The following PDE1C variants were observed in gnomAD, a reference collection of about 807,000 sequenced individuals.
PDE1C encodes the protein phosphodiesterase 1C, also known as dual specificity calcium/calmodulin-dependent 3',5'-cyclic nucleotide phosphodiesterase 1C.
A neutral mutation model predicts 93.1 loss-of-function variants in PDE1C; 62 were observed. That is an observed-to-expected ratio of 0.67 (90% CI 0.54 to 0.82). PDE1C has a LOEUF of 0.82. Ranked by LOEUF, PDE1C falls within the 40% of genes least tolerant of loss-of-function variation. The pLI is 0.00. For synonymous variants in PDE1C, 325 were observed against 310.1 expected (o/e 1.05, Z -0.50); for missense variants, 742 against 884.6 (o/e 0.84, Z 2.04).
At chr7:31,729,311 A>C in the PDE1C span, among the ~76,000 whole-genome samples, 1 of 152,300 alleles carries the variant, frequency 6.6e-6, no homozygotes, top group East Asian at 1.9e-4. Context: ...AGCTTACATG[A>C]ATTCCATTTG....
the PDE1C span, among the ~76,000 whole-genome samples, chr7:31,744,140 G>A: frequency 6.6e-6 from 1 of 152,038 alleles, no homozygotes; most frequent in African/African-American, 2.4e-5. Flanking sequence ...AAAATATCAT[G>A]GATATTGTCA....
At chr7:31,739,200 G>GACACACACACACACACACAC in the PDE1C span, among the ~76,000 whole-genome samples, 2 of 143,070 alleles carry the variant, frequency 1.4e-5, no homozygotes, top group Admixed American at 7.1e-5. Context: ...GTAACTTTTA[G>GACACACACACACACACACAC]ACACACACAC....
intron 16 of PDE1C, chr7:31,789,069 C>CATCAGCAT (rs1225248720): frequency 6.6e-6 from 1 of 152,162 alleles, no homozygotes; most frequent in East Asian, 1.9e-4. Context: ...CCCACTTCAT[C>CATCAGCAT]ATCAGCATAT....
chr7:32,416,378 C>G (rs115318669), intron 1 of PDE1C, among the ~76,000 whole-genome samples: 5 of 152,184 alleles, frequency 3.3e-5, no homozygotes, highest in African/African-American at 4.8e-5. Flanking sequence ...GCCATCCCCC[C>G]TCCCTGTTCC....
chr7:31,932,558 G>A (rs952146829), intron 2 of PDE1C, among the ~76,000 whole-genome samples: 11 of 152,114 alleles, frequency 7.2e-5, no homozygotes, highest in Non-Finnish European at 1.3e-4. Flanking sequence ...TAAAAAGTCA[G>A]CAAACAACAG....
intron 3 of PDE1C, among the ~76,000 whole-genome samples, chr7:32,111,024 G>A (rs1360742969): frequency 6.6e-6 from 1 of 152,102 alleles, no homozygotes; most frequent in East Asian, 1.9e-4. Context: ...TACCACAGCA[G>A]GGAAGAGGGT....
intron 12 of PDE1C, among the ~76,000 whole-genome samples, chr7:31,827,115 C>T (rs964762906): frequency 6.6e-6 from 1 of 152,142 alleles, no homozygotes; most frequent in African/African-American, 2.4e-5. Context: ...ATTATTAACA[C>T]TATATAAAAT....
chr7:32,110,642 G>A (rs966560448), intron 3 of PDE1C, among the ~76,000 whole-genome samples: 1 of 152,190 alleles, frequency 6.6e-6, no homozygotes, highest in African/African-American at 2.4e-5. Context: ...GATGGGTGGT[G>A]TTTTCTGAGC....
chr7:31,840,643 C>G (rs2128774131), intron 9 of PDE1C, among the ~76,000 whole-genome samples: 1 of 152,192 alleles, frequency 6.6e-6, no homozygotes, highest in Admixed American at 6.5e-5. Flanking sequence ...TGATAAGGGT[C>G]AAAGTTATCT....
Position 31,794,041 on chromosome 7 carries a change from T to TAGATAGACAGACAGAC in PDE1C, c.1891+14989_1891+14990insGTCTGTCTGTCTATCT, listed in dbSNP as rs1554335955. 1.2e-4 allele frequency among the ~76,000 whole-genome samples: 11 copies of TAGATAGACAGACAGAC among 89,592 alleles called. No individual in the cohort carries two copies. The East Asian group carries it at 1.8e-3, about 15-fold the overall frequency. 58.8% of individuals were successfully genotyped at this position (89,592 alleles called of 152,430 possible). A position where few individuals can be genotyped will look rare whatever the true frequency, so the allele number is the denominator to read the frequency against. On this transcript the variant is annotated intron_variant, in intron 16 of 17. Transcript: ENST00000396191. ...ATAGATAGATAGATAGATAGATAGATAGACAGACAGACAGACAGACAGACA... is the reference window on the plus strand; with the variant it reads ...ATAGATAGATAGATAGATAGATAGATAGATAGACAGACAGACAGACAGACAGACAGACAGACAGACA...
At chr7:32,348,176 G>A (rs1783889925) in intron 1 of PDE1C, among the ~76,000 whole-genome samples, 1 of 151,992 alleles carries the variant, frequency 6.6e-6, no homozygotes, top group East Asian at 1.9e-4. Context: ...TGGGTTTTAA[G>A]ACCAGTTTTG....
At chr7:31,669,007 T>G in the PDE1C span, among the ~76,000 whole-genome samples, 2 of 101,722 alleles carry the variant, frequency 2.0e-5, no homozygotes, top group African/African-American at 6.6e-5. Flanking sequence ...GAGAAGGAAG[T>G]AGGGGCCAGT....
exon 1 of PDE1C, chr7:32,299,193 G>C (rs1812816956): frequency 3.0e-6 from 3 of 993,078 alleles, no homozygotes; most frequent in Admixed American, 1.2e-4. Flanking sequence ...CAAGGGAATG[G>C]CTGAATTGGC....
chr7:32,271,499 A>G (rs1019139273), intron 1 of PDE1C, among the ~76,000 whole-genome samples: 6 of 152,360 alleles, frequency 3.9e-5, no homozygotes, highest in Middle Eastern at 3.4e-3. Flanking sequence ...CATATCCAAA[A>G]TAGGAATAAT....
intron 6 of PDE1C, among the ~76,000 whole-genome samples, chr7:31,867,067 A>G (rs1330749992): frequency 6.6e-6 from 1 of 152,094 alleles, no homozygotes; most frequent in Non-Finnish European, 1.5e-5. Context: ...TAGTCCTTGT[A>G]TCCCCATAAC....
the PDE1C span, among the ~76,000 whole-genome samples, chr7:31,617,684 T>C: frequency 1.3e-5 from 2 of 152,150 alleles, no homozygotes; most frequent in African/African-American, 2.4e-5. Flanking sequence ...CTTGTCATTT[T>C]CTGATTTATA....
chr7:31,922,716 G>A (rs571290603), intron 2 of PDE1C, among the ~76,000 whole-genome samples: 2 of 152,282 alleles, frequency 1.3e-5, no homozygotes, highest in African/African-American at 4.8e-5. Flanking sequence ...AATTGTATAA[G>A]CTGACAGCTA....
intron 1 of PDE1C, among the ~76,000 whole-genome samples, chr7:32,403,644 A>T (rs1234767590): frequency 1.3e-5 from 2 of 152,120 alleles, no homozygotes; most frequent in Non-Finnish European, 2.9e-5. Flanking sequence ...GGCTGAGTTC[A>T]CCCTTCTCCA....
intron 2 of PDE1C, among the ~76,000 whole-genome samples, chr7:32,036,364 T>C (rs1014071648): frequency 7.9e-5 from 12 of 152,162 alleles, no homozygotes; most frequent in African/African-American, 2.9e-4. Context: ...TAAATGCTCA[T>C]ATTAGAAAAG....
Sources: gnomAD v4.1 joint callset for allele counts (sites outside exome capture counted in the v4.1 genomes callset) on GRCh38, gnomAD v4.1.1 for gene constraint, MANE v1.5 for transcripts, NCBI Gene and HGNC (gene_info 2026-07-23, HGNC 2026-07-21) for gene names.